Variants in CRYBG1 observed in about 807,000 individuals in gnomAD.
CRYBG1 encodes beta/gamma crystallin domain-containing protein 1.
CRYBG1 carries 139 observed loss-of-function variants against 189.2 expected under a neutral mutation model. The observed-to-expected ratio is 0.73, with a 90% CI of 0.64 to 0.85. The LOEUF is 0.85. Ranked by LOEUF, CRYBG1 falls within the 40% of genes least tolerant of loss-of-function variation. The pLI is 0.00. For missense variants in CRYBG1, 2,611 were observed against 2,675.8 expected (o/e 0.98, Z 0.53); for synonymous variants, 1,023 against 1,017.1 (o/e 1.01, Z -0.11).
At position 106,530,222 on chromosome 6, in the gene CRYBG1, T is replaced by G. The variant is rs755402652; in HGVS notation, c.4625T>G (p.Leu1542Ter). The part of the protein sequence containing the change: ...HIDLFTEPEG[L>*]GILSSYFDDT... Reference sequence around the variant, plus strand: ...GACTTATTTACTGAACCAGAAGGGTTAGGAATCCTAAGTTCCTACTTTGAT... The same window carrying G: ...GACTTATTTACTGAACCAGAAGGGTGAGGAATCCTAAGTTCCTACTTTGAT... Residue 1542 changes from leucine to a stop codon, truncating the protein, a stop_gained, in exon 8 of 22, where the codon TTA becomes TGA. Transcript: ENST00000633556. LOFTEE classifies it high-confidence loss of function. 1 of 1,613,752 alleles carries G rather than the reference T, an allele frequency of 6.2e-7. No individual in the cohort carries two copies. Among genetic ancestry groups the G allele is most frequent in the South Asian group, 1.1e-5 (1 of 91,070 alleles).
chr6:106,396,628 T>G (rs1370819826), intron 1 of CRYBG1, among the ~76,000 whole-genome samples: 1 of 152,230 alleles, frequency 6.6e-6, no homozygotes, highest in Non-Finnish European at 1.5e-5. Context: ...ATGTACAGAC[T>G]GTGGACTTTC....
chr6:106,567,598 G>C, intron 21 of CRYBG1, among the ~76,000 whole-genome samples: 1 of 152,064 alleles, frequency 6.6e-6, no homozygotes, highest in East Asian at 1.9e-4. Flanking sequence ...TTACTTTGAT[G>C]GGGTCTTTGT....
In CRYBG1 at chr6:106,527,364, A is replaced by G. The variant is rs1301875014; in HGVS notation, c.4472A>G (p.Glu1491Gly). ...CACTCCATCCCCTTAGAAGAAGGAGAATTGGAACTCTCTGGTCTCTGGGGT... is the reference window on the plus strand; with the variant it reads ...CACTCCATCCCCTTAGAAGAAGGAGGATTGGAACTCTCTGGTCTCTGGGGT... Reference protein sequence around the residue: ...EGHSIPLEEGELELSGLWGIE... With the variant: ...EGHSIPLEEGGLELSGLWGIE... The change falls in exon 7 of 22, where the codon GAA becomes GGA. Residue 1491 changes from glutamate to glycine, a missense_variant. By Grantham distance (98) the Glu-to-Gly change is moderately conservative. This residue lies in a region of CRYBG1 where 1,622 missense variants were observed against 1,735.0 expected (regional missense o/e 0.93). Coordinates refer to ENST00000633556, the MANE Select transcript of CRYBG1 (RefSeq NM_001371242.2). The G allele has an allele frequency of 1.9e-6, 3 of 1,613,654 alleles. No homozygotes were observed. The Admixed American group carries it at 5.0e-5, about 27-fold the overall frequency.
At chr6:106,405,878 AAC>A (rs899315716) in intron 1 of CRYBG1, among the ~76,000 whole-genome samples, 5 of 152,250 alleles carry the variant, frequency 3.3e-5, no homozygotes, top group African/African-American at 1.2e-4. Context: ...AAAGGTCACC[AAC>A]ATCAAAGAGC....
At chr6:106,431,447 A>G (rs1404159076) in intron 1 of CRYBG1, among the ~76,000 whole-genome samples, 2 of 152,196 alleles carry the variant, frequency 1.3e-5, no homozygotes, top group African/African-American at 4.8e-5. Flanking sequence ...ATTCAGCATC[A>G]CGCGATATAC....
intron 21 of CRYBG1, among the ~76,000 whole-genome samples, chr6:106,566,464 C>CTTGTTTTTTTTTTT (rs1774890430): frequency 1.4e-5 from 1 of 71,650 alleles, no homozygotes; most frequent in Non-Finnish European, 2.3e-5. Context: ...CAACAACAGT[C>CTTGTTTTTTTTTTT]TTTTTTTTTT....
chr6:106,518,004 G>A (rs888376827), intron 3 of CRYBG1, among the ~76,000 whole-genome samples: 2 of 152,064 alleles, frequency 1.3e-5, no homozygotes, highest in African/African-American at 4.8e-5. Context: ...AGTAAATGAC[G>A]GTACATCCAT....
chr6:106,537,524 T>C (rs1413479929), intron 8 of CRYBG1, among the ~76,000 whole-genome samples: 1 of 152,244 alleles, frequency 6.6e-6, no homozygotes, highest in African/African-American at 2.4e-5. Context: ...TGTTTTCTTG[T>C]GGTTTAGAAG....
chr6:106,509,696 G>C (rs188441550), intron 2 of CRYBG1, among the ~76,000 whole-genome samples: 1 of 152,134 alleles, frequency 6.6e-6, no homozygotes, highest in Non-Finnish European at 1.5e-5. Flanking sequence ...GTGGTTCTCG[G>C]GTGGCGGCAG....
chr6:106,501,472 CCTT>C (rs144689060), intron 2 of CRYBG1, among the ~76,000 whole-genome samples: 2,466 of 152,314 alleles, frequency 0.016, 62 homozygotes, highest in African/African-American at 0.053. Flanking sequence ...ATTTTCATCT[CCTT>C]CTCACCAGTT....
intron 1 of CRYBG1, among the ~76,000 whole-genome samples, chr6:106,423,251 GTTTTTTTTTT>G (rs5878887): frequency 1.2e-5 from 1 of 80,872 alleles, no homozygotes; most frequent in African/African-American, 4.7e-5. Flanking sequence ...GAGTTGGCTG[GTTTTTTTTTT>G]TTTTTTTTTT....
intron 20 of CRYBG1, among the ~76,000 whole-genome samples, chr6:106,561,715 G>C (rs550051543): frequency 2.6e-5 from 4 of 152,272 alleles, no homozygotes; most frequent in Non-Finnish European, 5.9e-5. Flanking sequence ...ACTGATCCAA[G>C]ATAGAATATT....
At chr6:106,508,457 C>A (rs1354629704) in intron 2 of CRYBG1, among the ~76,000 whole-genome samples, 1 of 152,138 alleles carries the variant, frequency 6.6e-6, no homozygotes, top group Admixed American at 6.5e-5. Context: ...TTCCTTTGTG[C>A]CTCTTCCCTG....
intron 1 of CRYBG1, among the ~76,000 whole-genome samples, chr6:106,409,591 G>A (rs757836872): frequency 5.3e-5 from 8 of 152,156 alleles, no homozygotes; most frequent in Admixed American, 4.6e-4. Flanking sequence ...AACAAACAAA[G>A]CTGGAGGCTT....
At chr6:106,521,698 T>C (rs1170874523) in intron 4 of CRYBG1, among the ~76,000 whole-genome samples, 1 of 142,770 alleles carries the variant, frequency 7.0e-6, no homozygotes, top group Non-Finnish European at 1.5e-5. Flanking sequence ...ACAAATGCTC[T>C]AAGGCACATG....
intron 4 of CRYBG1, among the ~76,000 whole-genome samples, chr6:106,522,516 G>T (rs923553186): frequency 2.0e-5 from 3 of 152,142 alleles, no homozygotes; most frequent in South Asian, 2.1e-4. Flanking sequence ...CTCGGTTTTT[G>T]ATGTGAATTG....
intron 13 of CRYBG1, among the ~76,000 whole-genome samples, chr6:106,550,027 G>A (rs964571518): frequency 6.6e-6 from 1 of 152,138 alleles, no homozygotes; most frequent in Non-Finnish European, 1.5e-5. Flanking sequence ...GTCACGTTCT[G>A]GCCAATAGTC....
At chr6:106,374,980 T>G (rs1770119603) in intron 1 of CRYBG1, among the ~76,000 whole-genome samples, 1 of 152,162 alleles carries the variant, frequency 6.6e-6, no homozygotes, top group Admixed American at 6.5e-5. Context: ...GTTGTAGGGT[T>G]TAGAATTGTT....
At chr6:106,469,184 TG>T (rs1772173743) in intron 2 of CRYBG1, among the ~76,000 whole-genome samples, 1 of 152,222 alleles carries the variant, frequency 6.6e-6, no homozygotes, top group Non-Finnish European at 1.5e-5. Context: ...TATTACCTAT[TG>T]GCTCTGCCTA....
Sources: allele counts gnomAD v4.1 joint callset (sites outside exome capture counted in the v4.1 genomes callset), GRCh38; gene constraint gnomAD v4.1.1; regional missense constraint gnomAD v4.1.1; transcripts MANE v1.5; gene names NCBI Gene and HGNC (gene_info 2026-07-23, HGNC 2026-07-21).